The following CNTNAP5 variants were observed in gnomAD, a reference collection of about 807,000 sequenced individuals.
CNTNAP5 encodes the protein contactin-associated protein-like 5.
CNTNAP5 carries 72 observed loss-of-function variants against 150.2 expected under a neutral mutation model. The observed-to-expected ratio is 0.48, with a 90% CI of 0.40 to 0.58. The LOEUF is 0.58. CNTNAP5 is among the 20% of genes least tolerant of loss of function. The probability of loss-of-function intolerance (pLI) is 0.00; values close to 1 mark genes in which losing one functional copy is unlikely to be tolerated. For synonymous variants in CNTNAP5, 672 were observed against 619.8 expected, an observed-to-expected ratio of 1.08 and a Z score of -1.25; for missense variants, 1,636 against 1,626.2, an observed-to-expected ratio of 1.01 and a Z score of -0.10.
At chr2:124,911,734 T>C (rs549106803) in intron 23 of CNTNAP5, among the ~76,000 whole-genome samples, 196 bp downstream of exon 23, 8 of 152,222 alleles carry the variant, frequency 5.3e-5, no homozygotes, top group Admixed American at 5.2e-4. Context: ...CCAGCAGCTC[T>C]GCGGATTCAT....
At chr2:124,782,545 G>C (rs1027371873) in intron 17 of CNTNAP5, among the ~76,000 whole-genome samples, 1 of 152,132 alleles carries the variant, frequency 6.6e-6, no homozygotes, top group Non-Finnish European at 1.5e-5. Context: ...GTGTAAATCA[G>C]ATTTCCAATA....
At chr2:124,183,637 A>G (rs1558791031) in intron 1 of CNTNAP5, among the ~76,000 whole-genome samples, 1 of 152,222 alleles carries the variant, frequency 6.6e-6, no homozygotes, top group Non-Finnish European at 1.5e-5. Flanking sequence ...CACAGTTAAT[A>G]TATTTCATTG....
intron 3 of CNTNAP5, among the ~76,000 whole-genome samples, chr2:124,389,264 C>T (rs1387963490): frequency 6.6e-6 from 1 of 152,168 alleles, no homozygotes; most frequent in Non-Finnish European, 1.5e-5. Context: ...GGAGAAAAGA[C>T]TGTCTGCTGC....
At chr2:124,062,842 G>C (rs1045264822) in intron 1 of CNTNAP5, among the ~76,000 whole-genome samples, 2 of 152,054 alleles carry the variant, frequency 1.3e-5, no homozygotes, top group African/African-American at 4.8e-5. Context: ...TAACAGGAAA[G>C]AAAGACACAA....
chr2:124,411,064 C>T (rs1276558356), intron 3 of CNTNAP5, among the ~76,000 whole-genome samples: 1 of 152,156 alleles, frequency 6.6e-6, no homozygotes, highest in African/African-American at 2.4e-5. Context: ...GCCGATCCCA[C>T]AGAAATACAA....
chr2:124,452,707 G>A (rs1268097891), intron 6 of CNTNAP5, among the ~76,000 whole-genome samples: 1 of 152,122 alleles, frequency 6.6e-6, no homozygotes, highest in East Asian at 1.9e-4. Flanking sequence ...ACAGTTCTGT[G>A]TAGTCAACCC....
chr2:124,132,034 C>T (rs1398046871), intron 1 of CNTNAP5, among the ~76,000 whole-genome samples: 2 of 152,134 alleles, frequency 1.3e-5, no homozygotes, highest in African/African-American at 4.8e-5. Flanking sequence ...AGAGACGGTC[C>T]TTTGAATATG....
chr2:124,073,259 A>G (rs1682357670), intron 1 of CNTNAP5, among the ~76,000 whole-genome samples: 1 of 152,160 alleles, frequency 6.6e-6, no homozygotes, highest in African/African-American at 2.4e-5. Flanking sequence ...TGAAACTCCT[A>G]CAAGAAAACA....
intron 4 of CNTNAP5, among the ~76,000 whole-genome samples, chr2:124,426,299 A>T (rs990488841): frequency 2.0e-5 from 3 of 152,306 alleles, no homozygotes; most frequent in African/African-American, 7.2e-5. Flanking sequence ...CCTCATTTTC[A>T]TAGTTCATCT....
At chr2:124,739,842 G>A (rs1680461159) in intron 13 of CNTNAP5, among the ~76,000 whole-genome samples, 1 of 151,706 alleles carries the variant, frequency 6.6e-6, no homozygotes, top group Non-Finnish European at 1.5e-5. Flanking sequence ...CTTACTCTGG[G>A]CTTTTCTAGA....
intron 16 of CNTNAP5, among the ~76,000 whole-genome samples, chr2:124,771,823 A>G (rs987780379): frequency 6.6e-6 from 1 of 151,370 alleles, no homozygotes; most frequent in Non-Finnish European, 1.5e-5. Context: ...CATCACCACC[A>G]CTGCCACCAC....
intron 23 of CNTNAP5, among the ~76,000 whole-genome samples, chr2:124,911,977 G>A (rs573233379): frequency 6.6e-6 from 1 of 152,234 alleles, no homozygotes; most frequent in African/African-American, 2.4e-5. Context: ...GGTCTAATGA[G>A]CAGGGTGAAG....
intron 3 of CNTNAP5, among the ~76,000 whole-genome samples, chr2:124,279,899 C>A (rs1253618559): frequency 2.6e-5 from 4 of 152,020 alleles, no homozygotes; most frequent in Non-Finnish European, 5.9e-5. Context: ...ACATATTATA[C>A]CTTTGTCACC....
intron 19 of CNTNAP5, among the ~76,000 whole-genome samples, chr2:124,821,793 G>A (rs186007120): frequency 1.9e-4 from 29 of 152,278 alleles, no homozygotes; most frequent in Admixed American, 1.8e-3. Context: ...CATTGACTCT[G>A]CTCCAGAACT....
At chr2:124,649,117 A>G (rs1678266006) in intron 13 of CNTNAP5, among the ~76,000 whole-genome samples, 2 of 152,228 alleles carry the variant, frequency 1.3e-5, no homozygotes, top group South Asian at 4.1e-4. Context: ...CAAATGGATT[A>G]CACGCTTCCA....
At chr2:124,771,699 GC>G (rs1466017745) in intron 16 of CNTNAP5, among the ~76,000 whole-genome samples, 1 of 145,126 alleles carries the variant, frequency 6.9e-6, no homozygotes, top group Non-Finnish European at 1.5e-5. Context: ...CATCACTGGC[GC>G]CATCACCATC....
At chr2:124,707,617 A>C (rs17393209) in intron 13 of CNTNAP5, among the ~76,000 whole-genome samples, 1 of 151,790 alleles carries the variant, frequency 6.6e-6, no homozygotes, top group South Asian at 2.1e-4. Context: ...CGATGGCCAG[A>C]AATTGCTAGA....
chr2:124,601,549 G>T (rs1020859327), intron 11 of CNTNAP5, among the ~76,000 whole-genome samples: 10 of 152,078 alleles, frequency 6.6e-5, no homozygotes, highest in African/African-American at 2.4e-4. Context: ...AACCAAACAA[G>T]CACAGCTTAA....
At chr2:124,317,339 A>T (rs1469036618) in intron 3 of CNTNAP5, among the ~76,000 whole-genome samples, 7 of 152,168 alleles carry the variant, frequency 4.6e-5, no homozygotes, top group Non-Finnish European at 8.8e-5. Flanking sequence ...ACAAAAACTA[A>T]AGCATGCAAA....
Sources: gnomAD v4.1 joint callset for allele counts (sites outside exome capture counted in the v4.1 genomes callset) on GRCh38, gnomAD v4.1.1 for gene constraint, MANE v1.5 for transcripts, NCBI Gene and HGNC (gene_info 2026-07-23, HGNC 2026-07-21) for gene names.